The following LRBA variants were observed in gnomAD, a reference collection of about 807,000 sequenced individuals.
LRBA encodes LPS responsive beige-like anchor protein.
Under a neutral mutation model 330.0 loss-of-function variants are expected in LRBA, and 176 were observed. That is an observed-to-expected ratio of 0.53 (90% CI 0.47 to 0.60). LRBA has a LOEUF of 0.60. Among genes scored for constraint, LRBA ranks in the 20% least tolerant of loss-of-function variants. The pLI is 0.00. For synonymous variants in LRBA, 1,230 were observed against 1,193.0 expected, an observed-to-expected ratio of 1.03 and a Z score of -0.64; for missense variants, 3,259 against 3,444.8, an observed-to-expected ratio of 0.95 and a Z score of 1.35.
chr4:150,513,820 T>C (rs563850563), intron 40 of LRBA, among the ~76,000 whole-genome samples: 1 of 152,270 alleles, frequency 6.6e-6, no homozygotes, highest in East Asian at 1.9e-4. Context: ...CCAGATTCAG[T>C]CACACTGGGG....
chr4:150,451,808 G>A (rs968514677), intron 44 of LRBA, among the ~76,000 whole-genome samples: 3 of 152,134 alleles, frequency 2.0e-5, no homozygotes, highest in Non-Finnish European at 4.4e-5. Context: ...TATCAAGAAT[G>A]AATGAAGGGA....
At chr4:150,340,097 A>G (rs546777836) in intron 48 of LRBA, among the ~76,000 whole-genome samples, 60 of 152,218 alleles carry the variant, frequency 3.9e-4, no homozygotes, top group Admixed American at 9.2e-4. Context: ...AAAGAAGGAT[A>G]TGTTTGCTTC....
chr4:150,911,683 G>C (rs2149483028), intron 9 of LRBA, among the ~76,000 whole-genome samples: 1 of 152,176 alleles, frequency 6.6e-6, no homozygotes, highest in South Asian at 2.1e-4. Context: ...ATCTGGCTTT[G>C]GTATCAGGGT....
chr4:150,467,509 T>C (rs748226047), intron 44 of LRBA, among the ~76,000 whole-genome samples, 164 bp downstream of exon 44: 13 of 152,138 alleles, frequency 8.5e-5, no homozygotes, highest in Non-Finnish European at 1.8e-4. Flanking sequence ...GTGTTTATCA[T>C]GCACATTAAA....
chr4:150,815,353 GA>G lies in LRBA; in HGVS notation c.5305+1770del, dbSNP rs751501832. 1.3e-3 allele frequency among the ~76,000 whole-genome samples: 160 copies of G among 126,982 alleles called. 1 individual carries two copies. Among genetic ancestry groups the G allele is most frequent in the East Asian group, 1.8e-3 (8 of 4,526 alleles). The allele number at this position is 126,982 out of a possible 152,430, so 83.3% of individuals were successfully genotyped here. On this transcript the variant is annotated intron_variant, in intron 31 of 56. Coordinates refer to ENST00000651943, the MANE Select transcript of LRBA (RefSeq NM_001364905.1). ...TTACCAAATTATTTCTTCTCCAAAG[GA>G]AAAAAAAAAAAGAGGCATCAGAGTA...
intron 40 of LRBA, among the ~76,000 whole-genome samples, chr4:150,549,981 C>T (rs1222107806): frequency 6.6e-6 from 1 of 152,162 alleles, no homozygotes; most frequent in Admixed American, 6.5e-5. Flanking sequence ...ACCTCTTAGG[C>T]TCTTTTAACC....
intron 48 of LRBA, among the ~76,000 whole-genome samples, chr4:150,342,881 A>C (rs1735774248): frequency 6.6e-6 from 1 of 152,166 alleles, no homozygotes. Context: ...AATTAGTCTA[A>C]TTTGCTTTTG....
chr4:150,896,999 A>G (rs2127117897), intron 15 of LRBA, among the ~76,000 whole-genome samples: 1 of 151,526 alleles, frequency 6.6e-6, no homozygotes, highest in East Asian at 1.9e-4. Context: ...CAATCTAAAA[A>G]AAAAAAAACA....
rs754702590 is a variant in LRBA, at chr4:150,583,338, C to A, written c.6330+4710G>T. On this transcript the variant is annotated intron_variant, in intron 40 of 56. Coordinates refer to ENST00000651943, the MANE Select transcript of LRBA (RefSeq NM_001364905.1). This position sits in a 1 kb window ranked among gnomAD's most constrained non-coding sequence, Gnocchi z 9.8. Reference sequence around the variant, plus strand: ...CCGGCTGCGCAGTGCTCAAACTGAGCGATGGGCGGAAGCGGAGCATGTCTC... The same window carrying A: ...CCGGCTGCGCAGTGCTCAAACTGAGAGATGGGCGGAAGCGGAGCATGTCTC... 6.2e-7 allele frequency: 1 copy of A among 1,614,054 alleles called. No homozygotes were observed.
At chr4:150,798,289 G>C in intron 33 of LRBA, 147 bp from the exon 34 acceptor site, 1 of 555,728 alleles carries the variant, frequency 1.8e-6, no homozygotes. Flanking sequence ...GTACACTATA[G>C]TTAGTTCAAA....
chr4:150,907,701 C>T (rs979352386), intron 11 of LRBA, among the ~76,000 whole-genome samples: 9 of 152,050 alleles, frequency 5.9e-5, no homozygotes, highest in African/African-American at 2.2e-4. Flanking sequence ...AATAATTTCA[C>T]TATACATTGT....
intron 48 of LRBA, among the ~76,000 whole-genome samples, chr4:150,346,099 C>T (rs4696299): frequency 0.21 from 31,602 of 152,020 alleles, 4,015 homozygotes; most frequent in Non-Finnish European, 0.29. Context: ...TAAGCCACTG[C>T]GCCTGGCCCC....
In LRBA at chr4:150,852,609, A is replaced by C. The variant is rs371237041; in HGVS notation, c.3101T>G (p.Leu1034Trp). ...TGTCTCATTTGTCAGTGTTTCTTCC[A>C]AAGTGCCTTCATCTGGTAACTCCTG... ...ENQELPDEGTLEETLTNETRN... is the reference protein window; with the variant it reads ...ENQELPDEGTWEETLTNETRN... Residue 1034 changes from leucine to tryptophan, a missense_variant, in exon 23 of 57, where the codon TTG (leucine) becomes TGG (tryptophan). By Grantham distance (61) the Leu-to-Trp change is moderately conservative. Transcript: ENST00000651943. The C allele has an allele frequency of 1.2e-6, 2 of 1,614,032 alleles. No homozygotes were observed. Among genetic ancestry groups the C allele is most frequent in the Non-Finnish European group, 1.7e-6 (2 of 1,179,976 alleles).
intron 30 of LRBA, among the ~76,000 whole-genome samples, chr4:150,825,407 C>G (rs1224560797): frequency 6.6e-6 from 1 of 152,126 alleles, no homozygotes; most frequent in Non-Finnish European, 1.5e-5. Flanking sequence ...GCTCTTGTTG[C>G]CCAGGCTGGA....
intron 35 of LRBA, among the ~76,000 whole-genome samples, chr4:150,748,685 A>G (rs1244952918): frequency 6.6e-6 from 1 of 151,898 alleles, no homozygotes; most frequent in Non-Finnish European, 1.5e-5. Flanking sequence ...AAAAAAAAAA[A>G]GAATGAAATT....
At chr4:150,965,156 C>T (rs1579342294) in intron 2 of LRBA, among the ~76,000 whole-genome samples, 1 of 152,064 alleles carries the variant, frequency 6.6e-6, no homozygotes, top group African/African-American at 2.4e-5. Context: ...GATACAATTA[C>T]ATTAAGTATG....
At chr4:150,885,051 G>A (rs1324430372) in intron 17 of LRBA, among the ~76,000 whole-genome samples, 2 of 151,932 alleles carry the variant, frequency 1.3e-5, no homozygotes, top group East Asian at 3.9e-4. Context: ...AGGAGACTCA[G>A]ATGGCAAATA....
chr4:150,902,249 A>G (rs900134618), intron 13 of LRBA, among the ~76,000 whole-genome samples: 1 of 152,248 alleles, frequency 6.6e-6, no homozygotes, highest in African/African-American at 2.4e-5. Context: ...TAGAATAGAC[A>G]GACAGAATAC....
rs370436835 is a variant in LRBA, at chr4:150,908,650, C to T, written c.1359+10G>A. The stretch of plus-strand genomic sequence containing the variant: ...CATTATAAATGTTCTTAAAAGATCA[C>T]AGTTAGTACCTGGAGCATGAGTGCA... On this transcript the variant is annotated intron_variant, in intron 10 of 56. Transcript: ENST00000651943. The T allele has an allele frequency of 1.3e-5, 21 of 1,605,634 alleles. No homozygotes were observed. The highest frequency in any genetic ancestry group is 1.8e-5 in the Non-Finnish European group (21 of 1,175,094).
Sources: allele counts gnomAD v4.1 joint callset (sites outside exome capture counted in the v4.1 genomes callset), GRCh38; gene constraint gnomAD v4.1.1; non-coding constraint Gnocchi (gnomAD v3.1); transcripts MANE v1.5; gene names NCBI Gene and HGNC (gene_info 2026-07-23, HGNC 2026-07-21).